Variants in PRKCE observed in about 807,000 individuals in gnomAD.
PRKCE encodes the protein protein kinase C epsilon, also known as protein kinase C epsilon type.
In PRKCE, 16 loss-of-function variants were observed where a neutral mutation model predicts 85.4. The ratio of observed to expected loss-of-function variants is 0.19; its 90% confidence interval spans 0.13 to 0.28. The LOEUF (loss-of-function observed/expected upper bound fraction) is 0.28. Among genes scored for constraint, PRKCE ranks in the 10% least tolerant of loss-of-function variants. PRKCE has a pLI of 1.00. For synonymous variants in PRKCE, 388 were observed against 371.5 expected, an observed-to-expected ratio of 1.04 and a Z score of -0.51; for missense variants, 573 against 975.2, an observed-to-expected ratio of 0.59 and a Z score of 5.49.
chr2:45,878,206 C>G (rs961479854), intron 2 of PRKCE, among the ~76,000 whole-genome samples: 1 of 152,244 alleles, frequency 6.6e-6, no homozygotes, highest in Non-Finnish European at 1.5e-5. Context: ...TCGGTAACAC[C>G]TTGTTTCCTT....
At chr2:45,759,895 T>C (rs1684317833) in intron 1 of PRKCE, among the ~76,000 whole-genome samples, 1 of 152,218 alleles carries the variant, frequency 6.6e-6, no homozygotes, top group Non-Finnish European at 1.5e-5. Context: ...GGATCATGCC[T>C]ATGCTATTCT....
At chr2:46,129,342 G>A (rs1314408937) in intron 11 of PRKCE, among the ~76,000 whole-genome samples, 3 of 152,196 alleles carry the variant, frequency 2.0e-5, no homozygotes, top group Admixed American at 6.5e-5. Context: ...CGTAGCTGTT[G>A]ATGAGTGGAA....
At chr2:45,662,204 G>A (rs1002318647) in intron 1 of PRKCE, among the ~76,000 whole-genome samples, 7 of 152,120 alleles carry the variant, frequency 4.6e-5, no homozygotes, top group Admixed American at 1.3e-4. Flanking sequence ...TGTTCTGGCC[G>A]TCCTTTCATT....
intron 1 of PRKCE, among the ~76,000 whole-genome samples, chr2:45,744,768 C>T (rs1156491356): frequency 1.3e-5 from 2 of 151,874 alleles, no homozygotes; most frequent in Non-Finnish European, 2.9e-5. Context: ...ACCACCATGC[C>T]TGGCTAATTT....
chr2:45,916,309 G>A (rs1252504989), intron 2 of PRKCE, among the ~76,000 whole-genome samples: 3 of 149,692 alleles, frequency 2.0e-5, no homozygotes, highest in Non-Finnish European at 3.0e-5. Flanking sequence ...GTGTGAACAC[G>A]GCTCACTGCA....
chr2:45,897,720 C>T (rs1379561349), intron 2 of PRKCE, among the ~76,000 whole-genome samples: 1 of 152,116 alleles, frequency 6.6e-6, no homozygotes, highest in Non-Finnish European at 1.5e-5. Flanking sequence ...GAGTCAAGGT[C>T]AGTGTGGGGG....
chr2:45,930,692 A>G (rs1019617377), intron 2 of PRKCE, among the ~76,000 whole-genome samples: 1 of 152,192 alleles, frequency 6.6e-6, no homozygotes, highest in Non-Finnish European at 1.5e-5. Flanking sequence ...GAATCCACTT[A>G]ATGCCTCTGT....
intron 11 of PRKCE, among the ~76,000 whole-genome samples, chr2:46,102,590 A>G (rs2104101931): frequency 6.6e-6 from 1 of 152,134 alleles, no homozygotes; most frequent in East Asian, 1.9e-4. Flanking sequence ...CCAGGATCTC[A>G]TCCAGAATAT....
intron 2 of PRKCE, among the ~76,000 whole-genome samples, chr2:45,882,033 GT>G (rs1694928101): frequency 6.6e-6 from 1 of 152,206 alleles, no homozygotes; most frequent in South Asian, 2.1e-4. Context: ...GGGGAAAGGT[GT>G]TTCTGTAGAA....
At chr2:45,809,695 C>T (rs1688512846) in intron 1 of PRKCE, among the ~76,000 whole-genome samples, 2 of 150,868 alleles carry the variant, frequency 1.3e-5, no homozygotes, top group Non-Finnish European at 2.9e-5. Context: ...ACCAGCCTGG[C>T]CAACATGGTG....
chr2:46,072,126 G>T (rs1254898633), intron 10 of PRKCE, among the ~76,000 whole-genome samples: 1 of 152,156 alleles, frequency 6.6e-6, no homozygotes, highest in Non-Finnish European at 1.5e-5. Flanking sequence ...GGAGATCAAA[G>T]AATTTAATAA....
rs578226202 is a variant in PRKCE, at chr2:45,772,428, C to T, written c.349-70572C>T. Among the ~76,000 whole-genome samples the T allele has an allele frequency of 1.1e-4, 17 of 152,226 alleles. No homozygotes were observed. In the East Asian group the frequency reaches 3.3e-3, roughly 29 times the overall value. The stretch of plus-strand genomic sequence containing the variant: ...CCTGGGAGGGACAGTCTCCTATCTC[C>T]AAGGGTCACAATGAGAAAGAAATGC... On this transcript the variant is annotated intron_variant, in intron 1 of 14. Coordinates refer to ENST00000306156, the MANE Select transcript of PRKCE (RefSeq NM_005400.3).
In PRKCE at chr2:45,693,379, G is replaced by A. The variant is rs767442922; in HGVS notation, c.348+40931G>A. Among the ~76,000 whole-genome samples the A allele has an allele frequency of 3.9e-5, 6 of 152,320 alleles. No homozygotes were observed. In the South Asian group the frequency reaches 6.2e-4, roughly 16 times the overall value. ...TTAGCATTCTGGAAGAGAGGCCAGG[G>A]CTGGAGGTGAGAATGGCAGTGTGAT... On this transcript the variant is annotated intron_variant, in intron 1 of 14. Transcript: ENST00000306156.
chr2:45,759,279 T>G (rs996416393), intron 1 of PRKCE, among the ~76,000 whole-genome samples: 2 of 152,104 alleles, frequency 1.3e-5, no homozygotes, highest in African/African-American at 4.8e-5. Flanking sequence ...AGCTGCTCTG[T>G]TTTGAAGGAC....
At position 46,113,196 on chromosome 2, in the gene PRKCE, A is replaced by G. The variant is rs867373231; in HGVS notation, c.1592+26834A>G. ...CCAAGGCTAAGAATAATTACCCTAA[A>G]TACATAGTTCTGACTGCTTTTTTGT... On this transcript the variant is annotated intron_variant, in intron 11 of 14. Transcript: ENST00000306156. 1.1e-4 allele frequency among the ~76,000 whole-genome samples: 16 copies of G among 152,340 alleles called. No homozygotes were observed. In the Middle Eastern group the frequency reaches 0.01, roughly 97 times the overall value.
In PRKCE at chr2:46,172,486, CG is replaced by C. The variant is rs1679009636; in HGVS notation, c.2068-12246del. Among the ~76,000 whole-genome samples the C allele has an allele frequency of 4.2e-5, 6 of 144,206 alleles. No individual in the cohort carries two copies. The South Asian group carries it at 1.3e-3, about 30-fold the overall frequency. The allele number at this position is 144,206 out of a possible 152,430, so 94.6% of individuals were successfully genotyped here. A position where few individuals can be genotyped will look rare whatever the true frequency, so the allele number is the denominator to read the frequency against. On this transcript the variant is annotated intron_variant, in intron 14 of 14. Transcript: ENST00000306156. ...AGGTGTGGGCCTGGGCAGGCCTGGG[CG>C]GGCCTGGGCGTGCCTGGGCGGCCCT...
chr2:46,076,408 G>A (rs1422641929), intron 10 of PRKCE, among the ~76,000 whole-genome samples: 2 of 152,238 alleles, frequency 1.3e-5, no homozygotes, highest in Non-Finnish European at 2.9e-5. Context: ...TTCACACACA[G>A]ATGGAAGTGA....
At chr2:45,706,499 G>T (rs895106408) in intron 1 of PRKCE, among the ~76,000 whole-genome samples, 1 of 152,176 alleles carries the variant, frequency 6.6e-6, no homozygotes, top group Non-Finnish European at 1.5e-5. Context: ...AACCAGTCTT[G>T]ACTGAGAGGT....
At chr2:45,785,963 G>C (rs1558669290) in intron 1 of PRKCE, among the ~76,000 whole-genome samples, 1 of 152,192 alleles carries the variant, frequency 6.6e-6, no homozygotes, top group Non-Finnish European at 1.5e-5. Context: ...GGCACCTGCT[G>C]CTGAGACCCA....
Sources: allele counts gnomAD v4.1 joint callset (sites outside exome capture counted in the v4.1 genomes callset), GRCh38; gene constraint gnomAD v4.1.1; transcripts MANE v1.5; gene names NCBI Gene and HGNC (gene_info 2026-07-23, HGNC 2026-07-21).